The following PIN4 variants were observed in gnomAD, a reference collection of about 807,000 sequenced individuals.
The protein encoded by PIN4 is peptidylprolyl cis/trans isomerase, NIMA-interacting 4.
PIN4 carries 3 observed loss-of-function variants against 8.3 expected under a neutral mutation model. That is an observed-to-expected ratio of 0.36 (90% CI 0.16 to 0.93). PIN4 has a LOEUF of 0.93. Ranked by LOEUF, PIN4 falls within the 40% of genes least tolerant of loss-of-function variation. PIN4 has a pLI of 0.44. For synonymous variants in PIN4, 18 were observed against 32.5 expected, an observed-to-expected ratio of 0.55 and a Z score of 1.52; for missense variants, 75 against 100.6, an observed-to-expected ratio of 0.75 and a Z score of 1.09.
rs202048178 is a variant in PIN4 at position 72,207,368 on chromosome X, C to T, written c.312+10464C>T. ...TCATCTCGCAGCCTCTTAAGTAGGT[C>T]CATTAGGAATATCATTTTTCCAGAT... is the stretch of plus-strand genomic sequence containing the variant. On this transcript the variant is annotated intron_variant, in intron 3 of 3. Coordinates refer to the PIN4 transcript ENST00000423432. 5.1e-5 allele frequency: 62 copies of T among 1,209,616 alleles called. No homozygotes were observed. The highest frequency in any genetic ancestry group is 6.6e-5 in the Non-Finnish European group (59 of 895,166).
downstream of PIN4, among the ~76,000 whole-genome samples, chrX:72,199,972 C>T (rs2042784055): frequency 9.0e-6 from 1 of 111,394 alleles, no homozygotes; most frequent in South Asian, 3.8e-4. Context: ...TCAAGACCAG[C>T]CTGGCCATCG....
At chrX:72,240,175 A>AT (rs2043043122) in intron 3 of PIN4, among the ~76,000 whole-genome samples, 1 of 111,841 alleles carries the variant, frequency 8.9e-6, no homozygotes, top group South Asian at 3.7e-4. Context: ...GACAAAAATA[A>AT]TTTAAAAAAA....
intron 3 of PIN4, among the ~76,000 whole-genome samples, chrX:72,243,403 A>G (rs2043056742): frequency 1.8e-5 from 2 of 110,708 alleles, no homozygotes; most frequent in Non-Finnish European, 3.8e-5. Context: ...TAAGGTCCTC[A>G]TCTGTTAGAA....
At chrX:72,200,112 G>A (rs1425726423), downstream of PIN4, among the ~76,000 whole-genome samples, 3 of 107,264 alleles carry the variant, frequency 2.8e-5, no homozygotes, top group Admixed American at 3.0e-4. Context: ...GTTGCAGTGA[G>A]CCGAGATTGC....
At chrX:72,196,195 G>A (rs941570280) in intron 2 of PIN4, among the ~76,000 whole-genome samples, 17 of 110,763 alleles carry the variant, frequency 1.5e-4, no homozygotes, top group South Asian at 3.8e-4. Flanking sequence ...CTCTCAACCC[G>A]TATCGTGTTT....
At chrX:72,226,681 G>A (rs768539171) in intron 3 of PIN4, among the ~76,000 whole-genome samples, 1 of 111,452 alleles carries the variant, frequency 9.0e-6, no homozygotes, top group East Asian at 2.8e-4. Flanking sequence ...TGAGTATTGG[G>A]CAAAACAAGC....
chrX:72,181,791 G>C lies in PIN4; in HGVS notation c.6G>C (p.Pro2=), dbSNP rs2042674116. 1 of 1,191,962 alleles carries C rather than the reference G, an allele frequency of 8.4e-7. No homozygotes were observed. Among genetic ancestry groups the C allele is most frequent in the South Asian group, 1.8e-5 (1 of 55,952 alleles). M[P]PKGKSGSGKA... ...TTCAACAACAAGCTTCCAAGATGCC[G>C]CCCAAAGGAAAAAGTGGTTCTGGAA... The change falls in exon 1 of 4, where the codon CCG becomes CCC. Residue 2 remains proline (P), a synonymous_variant. Coordinates refer to ENST00000373669, the MANE Select transcript of PIN4 (RefSeq NM_006223.4).
chrX:72,197,671 A>G lies in PIN4; in HGVS notation c.*145A>G. On this transcript the variant is annotated 3_prime_UTR_variant, in exon 4 of 4. Transcript: ENST00000373669. ...GCTCCTTGTATTCTGTGAAAGCTCT[A>G]AGTATGGGTTTGTAGGTGTAAGAGA... 1 of 1,056,421 alleles carries G rather than the reference A, an allele frequency of 9.5e-7. No individual in the cohort carries two copies. The highest frequency in any genetic ancestry group is 1.2e-6 in the Non-Finnish European group (1 of 817,360). The allele number at this position is 1,056,421 out of a possible 1,213,427, so 87.1% of individuals were successfully genotyped here.
At chrX:72,239,088 G>A (rs764143742) in intron 3 of PIN4, 5 of 452,636 alleles carry the variant, frequency 1.1e-5, no homozygotes, top group Non-Finnish European at 1.8e-5. Context: ...GCCAATCCGC[G>A]ACCACGCGCT....
At chrX:72,205,377 C>A in intron 3 of PIN4, 2 of 1,211,975 alleles carry the variant, frequency 1.7e-6, no homozygotes, top group South Asian at 1.8e-5. Flanking sequence ...TTTCCTCCAC[C>A]CCTTCTTCTG....
intron 2 of PIN4, among the ~76,000 whole-genome samples, chrX:72,192,957 G>C (rs779306973): frequency 3.6e-5 from 4 of 110,921 alleles, no homozygotes; most frequent in Non-Finnish European, 7.5e-5. Flanking sequence ...AGTCTCCAAG[G>C]TTACTTTAGC....
chrX:72,261,312 A>C (rs1484749585), intron 3 of PIN4, among the ~76,000 whole-genome samples: 2 of 108,984 alleles, frequency 1.8e-5, no homozygotes, highest in African/African-American at 3.3e-5. Context: ...AAAAAAAAAA[A>C]AAACCAAAAT....
At chrX:72,197,149 T>C (rs1179336559) in intron 3 of PIN4, 1 of 445,614 alleles carries the variant, frequency 2.2e-6, no homozygotes, top group Non-Finnish European at 3.8e-6. Flanking sequence ...TGACCAAACT[T>C]GCACGGCTAA....
At chrX:72,237,458 T>C (rs1038461975) in intron 3 of PIN4, among the ~76,000 whole-genome samples, 3 of 110,678 alleles carry the variant, frequency 2.7e-5, no homozygotes, top group Non-Finnish European at 5.7e-5. Context: ...ATTAGCCGGG[T>C]GTGTTAGCGG....
At chrX:72,228,625 G>A (rs911223966) in intron 3 of PIN4, among the ~76,000 whole-genome samples, 1 of 111,525 alleles carries the variant, frequency 9.0e-6, no homozygotes, top group Admixed American at 9.6e-5. Flanking sequence ...GTCCTTCAGC[G>A]GTACCCTTAC....
At chrX:72,224,513 G>A (rs1333285812) in intron 3 of PIN4, among the ~76,000 whole-genome samples, 1 of 111,686 alleles carries the variant, frequency 9.0e-6, no homozygotes, top group Non-Finnish European at 1.9e-5. Flanking sequence ...TTGGGAGGCC[G>A]AGGCAGGCGG....
At chrX:72,184,497 G>C (rs2042689121) in intron 1 of PIN4, among the ~76,000 whole-genome samples, 1 of 110,861 alleles carries the variant, frequency 9.0e-6, no homozygotes, top group Non-Finnish European at 1.9e-5. Flanking sequence ...TAGATGGTGA[G>C]GTCACTCAAG....
intron 2 of PIN4, among the ~76,000 whole-genome samples, chrX:72,190,585 A>G (rs1335952588): frequency 1.8e-5 from 2 of 111,862 alleles, no homozygotes; most frequent in Non-Finnish European, 3.8e-5. Context: ...AATAATTCCA[A>G]TATGAGTATT....
intron 3 of PIN4, among the ~76,000 whole-genome samples, chrX:72,261,296 G>GAAA (rs754002557): frequency 3.0e-4 from 14 of 46,015 alleles, no homozygotes; most frequent in African/African-American, 6.3e-4. Context: ...CTCCGTCTCA[G>GAAA]AAAAAAAAAA....
Sources: gnomAD v4.1 joint callset for allele counts (sites outside exome capture counted in the v4.1 genomes callset) on GRCh38, gnomAD v4.1.1 for gene constraint, MANE v1.5 for transcripts, NCBI Gene and HGNC (gene_info 2026-07-23, HGNC 2026-07-21) for gene names.